UBE3A: variants seen among roughly 807,000 people sequenced by gnomAD.
UBE3A encodes the protein ubiquitin protein ligase E3A.
In UBE3A, 6 loss-of-function variants were observed where a neutral mutation model predicts 83.4. That is an observed-to-expected ratio of 0.07 (90% CI 0.04 to 0.14). The LOEUF is 0.14. Among genes scored for constraint, UBE3A ranks in the 10% least tolerant of loss-of-function variants. UBE3A has a pLI of 1.00. For missense variants in UBE3A, 456 were observed against 1,036.1 expected (o/e 0.44, Z 7.69); for synonymous variants, 337 against 355.4 (o/e 0.95, Z 0.58).
At chr15:25,374,092 C>G (rs988401203) in intron 5 of UBE3A, 1 of 152,106 alleles carries the variant, frequency 6.6e-6, no homozygotes, top group African/African-American at 2.4e-5. Context: ...GAAAGCATCT[C>G]TAATTTCCAA....
At chr15:25,385,581 T>C (rs1285695998) in intron 4 of UBE3A, among the ~76,000 whole-genome samples, 1 of 152,088 alleles carries the variant, frequency 6.6e-6, no homozygotes, top group African/African-American at 2.4e-5. Context: ...GTTCCACATA[T>C]GAAGAGCTTG....
intron 1 of UBE3A, chr15:25,418,391 G>A (rs1336914967): frequency 6.6e-6 from 1 of 152,042 alleles, no homozygotes; most frequent in Non-Finnish European, 1.5e-5. Context: ...AAAACAGCCT[G>A]GAACTGAAAA....
rs1256640701 is a variant in UBE3A, at chr15:25,336,539, A to G, written c.*2598T>C. ...CAAGTTCTGTTCGAAGCCTTTTTCAAGTTTCTTTTTGATATGTATCTATCT... is the reference window on the plus strand; with the variant it reads ...CAAGTTCTGTTCGAAGCCTTTTTCAGGTTTCTTTTTGATATGTATCTATCT... On this transcript the variant is annotated 3_prime_UTR_variant, in exon 13 of 13. Coordinates refer to ENST00000648336, the MANE Select transcript of UBE3A (RefSeq NM_130839.5). The G allele has an allele frequency of 6.6e-6, 1 of 150,896 alleles. No individual in the cohort carries two copies. The highest frequency in any genetic ancestry group is 2.4e-5 in the African/African-American group (1 of 41,106). 9.3% of individuals were successfully genotyped at this position (150,896 alleles called of 1,614,324 possible). A position where few individuals can be genotyped will look rare whatever the true frequency, so the allele number is the denominator to read the frequency against.
chr15:25,403,826 G>A (rs564024183), intron 4 of UBE3A, among the ~76,000 whole-genome samples: 1 of 152,276 alleles, frequency 6.6e-6, no homozygotes, highest in African/African-American at 2.4e-5. Flanking sequence ...TGATGACACT[G>A]CGAAGTAAAA....
In UBE3A at chr15:25,370,399, A is replaced by C. The variant is rs1456623017; in HGVS notation, c.1608+167T>G. ...CCGATACTTTGTAGAACACATCTATAAACTTGCACAGGAACAACAAAAGTA... is the reference window on the plus strand; with the variant it reads ...CCGATACTTTGTAGAACACATCTATCAACTTGCACAGGAACAACAAAAGTA... On this transcript the variant is annotated intron_variant, in intron 6 of 12. Transcript: ENST00000648336. The surrounding 1 kb of genome is among the most constrained non-coding windows in gnomAD (Gnocchi z 4.2). Among the ~76,000 whole-genome samples the C allele has an allele frequency of 6.6e-6, 1 of 152,224 alleles. No individual in the cohort carries two copies. The highest frequency in any genetic ancestry group is 1.5e-5 in the Non-Finnish European group (1 of 68,030).
At chr15:25,399,170 T>A (rs2086475537) in intron 4 of UBE3A, among the ~76,000 whole-genome samples, 1 of 152,038 alleles carries the variant, frequency 6.6e-6, no homozygotes, top group Admixed American at 6.6e-5. Flanking sequence ...TTCTGTAGAT[T>A]TTTTCTTTTT....
At chr15:25,378,863 T>C (rs1197313270) in intron 4 of UBE3A, among the ~76,000 whole-genome samples, 3 of 152,166 alleles carry the variant, frequency 2.0e-5, no homozygotes, top group African/African-American at 7.2e-5. Context: ...AGACCAAGTT[T>C]CTTGAGGAAA....
chr15:25,395,329 C>T (rs2085308394), intron 4 of UBE3A, among the ~76,000 whole-genome samples: 1 of 152,016 alleles, frequency 6.6e-6, no homozygotes, highest in South Asian at 2.1e-4. Flanking sequence ...AAGATCATTC[C>T]GGCTGCTACT....
intron 1 of UBE3A, among the ~76,000 whole-genome samples, chr15:25,426,064 T>C (rs980943119): frequency 2.6e-5 from 4 of 152,190 alleles, no homozygotes; most frequent in African/African-American, 9.6e-5. Context: ...TTATTTCTTA[T>C]TTACCTACTA....
chr15:25,426,245 T>C (rs1891275855), intron 1 of UBE3A, among the ~76,000 whole-genome samples: 1 of 152,204 alleles, frequency 6.6e-6, no homozygotes, highest in Non-Finnish European at 1.5e-5. Flanking sequence ...ATCATCAGAA[T>C]TACTTTAATT....
rs137999162 is a variant in UBE3A, at chr15:25,370,977, A to G, written c.1197T>C (p.Pro399=). The G allele has an allele frequency of 6.2e-7, 1 of 1,614,114 alleles. No individual in the cohort carries two copies. The highest frequency in any genetic ancestry group is 1.1e-5 in the South Asian group (1 of 91,080). The part of the protein sequence containing the change: ...HNEEDDEEPI[P]ESSELTLQEL... Reference sequence around the variant, plus strand: ...CCTGAAGTGTCAGCTCGCTGGACTCAGGGATGGGCTCTTCATCATCTTCTT... The same window carrying G: ...CCTGAAGTGTCAGCTCGCTGGACTCGGGGATGGGCTCTTCATCATCTTCTT... The change falls in exon 6 of 13, where the codon CCT becomes CCC. Residue 399 remains proline (P), a synonymous_variant. Coordinates refer to ENST00000648336, the MANE Select transcript of UBE3A (RefSeq NM_130839.5). The surrounding 1 kb of genome is among the most constrained non-coding windows in gnomAD (Gnocchi z 4.2).
chr15:25,390,971 T>C (rs2084230175), intron 4 of UBE3A, among the ~76,000 whole-genome samples: 1 of 151,442 alleles, frequency 6.6e-6, no homozygotes, highest in Non-Finnish European at 1.5e-5. Flanking sequence ...AAAAATAGAA[T>C]ACATATGATC....
rs1336753859 is a variant in UBE3A, at chr15:25,339,099, TC to T, written c.*37del. On this transcript the variant is annotated 3_prime_UTR_variant, in exon 13 of 13. Transcript: ENST00000648336. ...ATTTTTTAAATTTTTTCTTTTTTTT[TC>T]CTTCCTTTTTTTTGTTTTATTTTGT... 1.2e-5 allele frequency: 18 copies of T among 1,490,552 alleles called. No homozygotes were observed. The highest frequency in any genetic ancestry group is 1.5e-5 in the Non-Finnish European group (17 of 1,125,016). 92.3% of individuals were successfully genotyped at this position (1,490,552 alleles called of 1,614,324 possible).
At chr15:25,361,681 G>A (rs2078136951) in intron 6 of UBE3A, among the ~76,000 whole-genome samples, 2 of 151,924 alleles carry the variant, frequency 1.3e-5, no homozygotes, top group South Asian at 4.2e-4. Flanking sequence ...GTACATGGAT[G>A]GATACTGTAT....
At chr15:25,415,850 A>AAC (rs1555426253) in intron 1 of UBE3A, 13 of 11,426 alleles carry the variant, frequency 1.1e-3, no homozygotes, top group Non-Finnish European at 1.0e-3. Context: ...CCTCTACAAG[A>AAC]AAAAAAAAAA....
intron 3 of UBE3A, among the ~76,000 whole-genome samples, chr15:25,406,704 ACACACACACACG>A (rs1005758784): frequency 6.6e-5 from 10 of 151,614 alleles, no homozygotes; most frequent in African/African-American, 2.4e-4. Context: ...ACACACACAC[ACACACACACACG>A]CACACACACA....
intron 1 of UBE3A, among the ~76,000 whole-genome samples, chr15:25,434,668 A>G (rs1894472447): frequency 6.6e-6 from 1 of 152,216 alleles, no homozygotes; most frequent in Non-Finnish European, 1.5e-5. Context: ...TCACAAAGCA[A>G]GTATAACTAT....
At chr15:25,364,162 G>A (rs568483229) in intron 6 of UBE3A, among the ~76,000 whole-genome samples, 8 of 152,084 alleles carry the variant, frequency 5.3e-5, no homozygotes, top group South Asian at 2.1e-4. Flanking sequence ...AGTAGAGATC[G>A]TGCCACTGTA....
intron 5 of UBE3A, among the ~76,000 whole-genome samples, chr15:25,372,218 G>T (rs546753728): frequency 6.6e-6 from 1 of 152,180 alleles, no homozygotes; most frequent in South Asian, 2.1e-4. Context: ...CTACTAATCT[G>T]TGAGTTTTCT....
Sources: allele counts gnomAD v4.1 joint callset (sites outside exome capture counted in the v4.1 genomes callset), GRCh38; gene constraint gnomAD v4.1.1; non-coding constraint Gnocchi (gnomAD v3.1); transcripts MANE v1.5; gene names NCBI Gene and HGNC (gene_info 2026-07-23, HGNC 2026-07-21).